The following NT5DC1 variants were observed in gnomAD, a reference collection of about 807,000 sequenced individuals.
NT5DC1 encodes 5'-nucleotidase domain-containing protein 1.
In NT5DC1, 42 loss-of-function variants were observed where a neutral mutation model predicts 59.4. The observed-to-expected ratio is 0.71, with a 90% confidence interval of 0.55 to 0.92. The LOEUF (loss-of-function observed/expected upper bound fraction) is 0.92, where lower values mean the gene tolerates loss of function less well. Ranked by LOEUF, NT5DC1 falls within the 40% of genes least tolerant of loss-of-function variation. NT5DC1 has a pLI of 0.00. For missense variants in NT5DC1, 501 were observed against 537.1 expected (o/e 0.93, Z 0.66); for synonymous variants, 172 against 188.1 (o/e 0.91, Z 0.70).
At chr6:116,222,386 G>A (rs1489765008) in intron 7 of NT5DC1, among the ~76,000 whole-genome samples, 1 of 152,094 alleles carries the variant, frequency 6.6e-6, no homozygotes, top group Admixed American at 6.5e-5. Context: ...AAGTATTCTA[G>A]AATGTTGGGT....
intron 6 of NT5DC1, among the ~76,000 whole-genome samples, chr6:116,213,069 C>T (rs1193581571): frequency 6.6e-6 from 1 of 152,026 alleles, no homozygotes; most frequent in East Asian, 1.9e-4. Flanking sequence ...AAAATTGGGA[C>T]TTTATTCCAA....
At chr6:116,243,413 G>C (rs1215412672) in intron 11 of NT5DC1, among the ~76,000 whole-genome samples, 1 of 151,968 alleles carries the variant, frequency 6.6e-6, no homozygotes, top group Admixed American at 6.5e-5. Flanking sequence ...CTCTAAATGT[G>C]ATTTGACTTA....
intron 6 of NT5DC1, among the ~76,000 whole-genome samples, chr6:116,185,717 A>G (rs1198726242): frequency 6.6e-6 from 1 of 152,038 alleles, no homozygotes; most frequent in Non-Finnish European, 1.5e-5. Flanking sequence ...TTTGCATGGA[A>G]TATTTTTTTC....
intron 6 of NT5DC1, among the ~76,000 whole-genome samples, chr6:116,218,603 C>G (rs187969281): frequency 1.2e-3 from 181 of 152,190 alleles, no homozygotes; most frequent in Non-Finnish European, 1.9e-3. Flanking sequence ...CCTTTTCTTA[C>G]TAGTACTTCC....
intron 4 of NT5DC1, among the ~76,000 whole-genome samples, chr6:116,114,458 A>G (rs1471414159): frequency 7.0e-6 from 1 of 142,486 alleles, no homozygotes; most frequent in Non-Finnish European, 1.5e-5. Context: ...AATATGCTGA[A>G]CACTGTGCCC....
intron 11 of NT5DC1, among the ~76,000 whole-genome samples, chr6:116,241,510 T>G (rs1335883804): frequency 6.6e-6 from 1 of 152,216 alleles, no homozygotes; most frequent in Non-Finnish European, 1.5e-5. Flanking sequence ...ATGTCAGAAA[T>G]GCATGTTGTA....
At chr6:116,124,701 A>G (rs1443296368) in intron 6 of NT5DC1, among the ~76,000 whole-genome samples, 1 of 152,232 alleles carries the variant, frequency 6.6e-6, no homozygotes, top group Non-Finnish European at 1.5e-5. Context: ...ATGGGAGGAC[A>G]AGTAACTTAC....
intron 6 of NT5DC1, among the ~76,000 whole-genome samples, chr6:116,122,363 A>G (rs996647422): frequency 2.0e-5 from 3 of 152,198 alleles, no homozygotes; most frequent in Admixed American, 6.5e-5. Context: ...TCCCTCCCAA[A>G]GCTACCCTGT....
chr6:116,154,266 A>G (rs1780124949), intron 6 of NT5DC1, among the ~76,000 whole-genome samples: 1 of 152,198 alleles, frequency 6.6e-6, no homozygotes, highest in Non-Finnish European at 1.5e-5. Flanking sequence ...TATTTTAACA[A>G]AACATCAACA....
intron 6 of NT5DC1, among the ~76,000 whole-genome samples, chr6:116,174,682 A>G (rs1183693317): frequency 1.3e-5 from 2 of 152,186 alleles, no homozygotes; most frequent in Non-Finnish European, 1.5e-5. Context: ...CGATTTTTAT[A>G]CAGGTACTTG....
intron 6 of NT5DC1, among the ~76,000 whole-genome samples, chr6:116,152,765 CTAATA>C (rs1780078778): frequency 6.6e-6 from 1 of 152,162 alleles, no homozygotes; most frequent in African/African-American, 2.4e-5. Flanking sequence ...TTTTACAACT[CTAATA>C]TAGTTCTTGG....
At chr6:116,110,002 C>T (rs1399940070) in intron 3 of NT5DC1, among the ~76,000 whole-genome samples, 1 of 152,078 alleles carries the variant, frequency 6.6e-6, no homozygotes, top group Non-Finnish European at 1.5e-5. Context: ...CCTATGTGTA[C>T]TATGTCTTTT....
rs374877838 is a variant in NT5DC1 at position 116,188,889 on chromosome 6, G to T, written c.530-32165G>T. Among the ~76,000 whole-genome samples, 4 of 151,822 alleles carry T rather than the reference G, an allele frequency of 2.6e-5. No individual in the cohort carries two copies. The East Asian group carries it at 7.8e-4, about 29-fold the overall frequency. Reference sequence around the variant, plus strand: ...AGCTGATACTCTGTTTTTTAATTTGGATCTGTTTATTTATAATTAAGCTTC... The same window carrying T: ...AGCTGATACTCTGTTTTTTAATTTGTATCTGTTTATTTATAATTAAGCTTC... On this transcript the variant is annotated intron_variant, in intron 6 of 11. Coordinates refer to ENST00000319550, the MANE Select transcript of NT5DC1 (RefSeq NM_152729.3).
intron 9 of NT5DC1, chr6:116,237,615 T>G: frequency 2.4e-6 from 1 of 417,500 alleles, no homozygotes; most frequent in Admixed American, 2.8e-5. Flanking sequence ...CCCTTAACTC[T>G]GTTTTCACAT....
chr6:116,153,076 A>G (rs1269129504), intron 6 of NT5DC1, among the ~76,000 whole-genome samples: 1 of 151,976 alleles, frequency 6.6e-6, no homozygotes, highest in Non-Finnish European at 1.5e-5. Context: ...CTAATATATA[A>G]CATTTAATAA....
In NT5DC1 at chr6:116,245,533, A is replaced by G. The variant is rs1024752847; in HGVS notation, c.*1509A>G. ...GTAGCTTTGTTTGATATTTAACAAT[A>G]AGTATATGGTGATATACTTGAAATT... On this transcript the variant is annotated 3_prime_UTR_variant, in exon 12 of 12. Coordinates refer to ENST00000319550, the MANE Select transcript of NT5DC1 (RefSeq NM_152729.3). 1.3e-5 allele frequency: 2 copies of G among 152,522 alleles called. No homozygotes were observed. The highest frequency in any genetic ancestry group is 4.8e-5 in the African/African-American group (2 of 41,452). 9.4% of individuals were successfully genotyped at this position (152,522 alleles called of 1,614,324 possible).
intron 3 of NT5DC1, 36 bp from the exon 4 acceptor site, chr6:116,110,814 C>A: frequency 7.1e-7 from 1 of 1,408,666 alleles, no homozygotes; most frequent in Non-Finnish European, 1.0e-6. Flanking sequence ...TTCAAGGAAC[C>A]ATTAATGAGC....
At chr6:116,174,691 T>G (rs1254663809) in intron 6 of NT5DC1, among the ~76,000 whole-genome samples, 2 of 152,186 alleles carry the variant, frequency 1.3e-5, no homozygotes, top group Admixed American at 1.3e-4. Context: ...TACAGGTACT[T>G]GTTTTCTCTC....
At position 116,101,040 on chromosome 6, in the gene NT5DC1, C is replaced by A; in HGVS notation, c.93+17C>A. 1 of 1,555,024 alleles carries A rather than the reference C, an allele frequency of 6.4e-7. No individual in the cohort carries two copies. The highest frequency in any genetic ancestry group is 1.1e-5 in the South Asian group (1 of 87,576). On this transcript the variant is annotated intron_variant, in intron 1 of 11. Coordinates refer to ENST00000319550, the MANE Select transcript of NT5DC1 (RefSeq NM_152729.3). Reference sequence around the variant, plus strand: ...AGCGCCCCGGTGAGTGGCGCGGGCTCCGGGGCGCACTGCGCGCAACCTCCA... The same window carrying A: ...AGCGCCCCGGTGAGTGGCGCGGGCTACGGGGCGCACTGCGCGCAACCTCCA...
Sources: allele counts gnomAD v4.1 joint callset (sites outside exome capture counted in the v4.1 genomes callset), GRCh38; gene constraint gnomAD v4.1.1; transcripts MANE v1.5; gene names NCBI Gene and HGNC (gene_info 2026-07-23, HGNC 2026-07-21).